PARD3B: variants seen among roughly 807,000 people sequenced by gnomAD.
PARD3B encodes partitioning defective 3 homolog B.
In PARD3B, 103 loss-of-function variants were observed where a neutral mutation model predicts 130.2. The observed-to-expected ratio is 0.79, with a 90% CI of 0.67 to 0.93. The LOEUF (loss-of-function observed/expected upper bound fraction) is 0.93. Among genes scored for constraint, PARD3B ranks in the 40% least tolerant of loss-of-function variants. The pLI is 0.00. For synonymous variants in PARD3B, 583 were observed against 553.2 expected, an observed-to-expected ratio of 1.05 and a Z score of -0.76; for missense variants, 1,609 against 1,499.2, an observed-to-expected ratio of 1.07 and a Z score of -1.21.
intron 4 of PARD3B, among the ~76,000 whole-genome samples, chr2:205,066,361 G>A (rs1358992026): frequency 6.6e-6 from 1 of 152,162 alleles, no homozygotes; most frequent in Non-Finnish European, 1.5e-5. Context: ...CTGAAAGTTA[G>A]CAATATTCTC....
chr2:205,088,859 T>G (rs1701912089), intron 4 of PARD3B, among the ~76,000 whole-genome samples: 1 of 151,814 alleles, frequency 6.6e-6, no homozygotes, highest in South Asian at 2.1e-4. Flanking sequence ...AGTGGCCTGA[T>G]CTCAGCTCAC....
At chr2:205,246,932 A>G (rs369107224) in intron 16 of PARD3B, among the ~76,000 whole-genome samples, 40 of 152,316 alleles carry the variant, frequency 2.6e-4, no homozygotes, top group African/African-American at 9.1e-4. Context: ...CTTGCTCCCA[A>G]CATCCTCTTC....
chr2:204,618,050 AT>A (rs2034174068), intron 1 of PARD3B, among the ~76,000 whole-genome samples: 1 of 152,148 alleles, frequency 6.6e-6, no homozygotes, highest in African/African-American at 2.4e-5. Flanking sequence ...TATTTCCAAC[AT>A]TTTTAACCAT....
intron 1 of PARD3B, among the ~76,000 whole-genome samples, chr2:204,578,992 A>G (rs2032409106): frequency 6.6e-6 from 1 of 152,040 alleles, no homozygotes; most frequent in Non-Finnish European, 1.5e-5. Flanking sequence ...GAGAGTTGTC[A>G]GGAAGCGTGT....
chr2:204,640,258 A>T (rs1334746165), intron 1 of PARD3B, among the ~76,000 whole-genome samples: 2 of 152,158 alleles, frequency 1.3e-5, no homozygotes, highest in Non-Finnish European at 2.9e-5. Context: ...CCTGTCTCAA[A>T]AAAACAAAAC....
chr2:204,882,713 A>G (rs2046101517), intron 2 of PARD3B, among the ~76,000 whole-genome samples: 1 of 152,246 alleles, frequency 6.6e-6, no homozygotes, highest in African/African-American at 2.4e-5. Context: ...ACAGCAGGGC[A>G]TCACCTGCAA....
chr2:205,298,389 T>C (rs2041869580), intron 16 of PARD3B, among the ~76,000 whole-genome samples: 1 of 152,192 alleles, frequency 6.6e-6, no homozygotes, highest in African/African-American at 2.4e-5. Context: ...CTTATCTTCC[T>C]TCCTGGGAAT....
chr2:205,425,963 A>C, intron 19 of PARD3B, among the ~76,000 whole-genome samples: 1 of 152,190 alleles, frequency 6.6e-6, no homozygotes, highest in East Asian at 1.9e-4. Flanking sequence ...GTATTATAGA[A>C]TGTCAAATTT....
chr2:204,853,471 A>G (rs1298466128), intron 2 of PARD3B, among the ~76,000 whole-genome samples: 4 of 152,212 alleles, frequency 2.6e-5, no homozygotes, highest in Non-Finnish European at 4.4e-5. Flanking sequence ...GCAAACTGCA[A>G]TAATCATTTG....
chr2:204,577,439 C>T (rs2032321686), intron 1 of PARD3B, among the ~76,000 whole-genome samples: 1 of 152,218 alleles, frequency 6.6e-6, no homozygotes, highest in African/African-American at 2.4e-5. Context: ...AGCCCGGTTC[C>T]AAGCCCAGCC....
chr2:205,050,969 G>C (rs1448101597), intron 4 of PARD3B, among the ~76,000 whole-genome samples: 1 of 152,084 alleles, frequency 6.6e-6, no homozygotes, highest in Non-Finnish European at 1.5e-5. Flanking sequence ...AACTGTCAGA[G>C]GTGTCCATGT....
Position 204,982,207 on chromosome 2 carries a change from A to T in PARD3B, c.394+16884A>T, listed in dbSNP as rs567936711. Among the ~76,000 whole-genome samples, 5 of 152,306 alleles carry T rather than the reference A, an allele frequency of 3.3e-5. No homozygotes were observed. In the East Asian group the frequency reaches 9.7e-4, roughly 29 times the overall value. ...TTAGGACACAAGTAGGCCAGGAAGG[A>T]GTGACATTATTAGGTAGAGAACCTT... is the stretch of plus-strand genomic sequence containing the variant. On this transcript the variant is annotated intron_variant, in intron 3 of 22. Transcript: ENST00000406610.
At chr2:205,197,404 A>G (rs950342567) in intron 15 of PARD3B, among the ~76,000 whole-genome samples, 3 of 152,176 alleles carry the variant, frequency 2.0e-5, no homozygotes, top group African/African-American at 7.2e-5. Context: ...TTTATTGATT[A>G]ACTACAGATA....
At chr2:205,130,995 A>G (rs183603248) in intron 10 of PARD3B, among the ~76,000 whole-genome samples, 3 of 152,142 alleles carry the variant, frequency 2.0e-5, no homozygotes, top group Non-Finnish European at 2.9e-5. Flanking sequence ...TGTGGTTCCA[A>G]CTCTTTCTTA....
Position 205,376,079 on chromosome 2 carries a change from T to C in PARD3B, c.2631-24934T>C, listed in dbSNP as rs111339693. On this transcript the variant is annotated intron_variant, in intron 18 of 22. Transcript: ENST00000406610. The stretch of plus-strand genomic sequence containing the variant: ...TAATAACAAGTGTTTACTGACTGTT[T>C]TCTATGGGCGGGCACTGTTCCAAGG... Among the ~76,000 whole-genome samples, 35 of 152,290 alleles carry C rather than the reference T, an allele frequency of 2.3e-4. 1 individual carries two copies. The highest frequency in any genetic ancestry group is 7.9e-4 in the African/African-American group (33 of 41,570).
In PARD3B at chr2:205,572,581, C is replaced by A. The variant is rs886233684; in HGVS notation, c.3260+19178C>A. On this transcript the variant is annotated intron_variant, in intron 22 of 22. Transcript: ENST00000406610. This position sits in a 1 kb window ranked among gnomAD's most constrained non-coding sequence, Gnocchi z 4.2. ...ACAACATGGTGAAACCTCATCTCTA[C>A]TAAAATACAAAAAATTAGCCGGGCA... Among the ~76,000 whole-genome samples the A allele has an allele frequency of 6.6e-6, 1 of 152,156 alleles. No individual in the cohort carries two copies. Among genetic ancestry groups the A allele is most frequent in the Non-Finnish European group, 1.5e-5 (1 of 68,016 alleles).
intron 3 of PARD3B, among the ~76,000 whole-genome samples, chr2:204,972,504 C>A (rs1040000974): frequency 1.1e-4 from 17 of 151,490 alleles, no homozygotes; most frequent in African/African-American, 4.1e-4. Flanking sequence ...GCTTCAGTTA[C>A]CCTTTTGTCT....
At chr2:204,819,792 T>C (rs1317306591) in intron 2 of PARD3B, among the ~76,000 whole-genome samples, 3 of 152,126 alleles carry the variant, frequency 2.0e-5, no homozygotes, top group Admixed American at 2.0e-4. Flanking sequence ...TTGAGTAGTC[T>C]AGATAGAAAA....
At chr2:205,489,924 A>T (rs1363083551) in intron 20 of PARD3B, among the ~76,000 whole-genome samples, 1 of 152,122 alleles carries the variant, frequency 6.6e-6, no homozygotes, top group Non-Finnish European at 1.5e-5. Context: ...AGGTAGAGCA[A>T]TGCCTTTTAT....
Sources: allele counts gnomAD v4.1 joint callset (sites outside exome capture counted in the v4.1 genomes callset), GRCh38; gene constraint gnomAD v4.1.1; non-coding constraint Gnocchi (gnomAD v3.1); transcripts MANE v1.5; gene names NCBI Gene and HGNC (gene_info 2026-07-23, HGNC 2026-07-21).